Variants in NLGN1 observed in about 807,000 individuals in gnomAD.
The protein encoded by NLGN1 is neuroligin-1.
Under a neutral mutation model 65.5 loss-of-function variants are expected in NLGN1, and 12 were observed. The observed-to-expected ratio is 0.18, with a 90% CI of 0.12 to 0.30. The LOEUF is 0.30. Ranked by LOEUF, NLGN1 falls within the 10% of genes least tolerant of loss-of-function variation. NLGN1 has a pLI of 1.00. For synonymous variants in NLGN1, 350 were observed against 359.5 expected (o/e 0.97, Z 0.30); for missense variants, 750 against 1,007.1 (o/e 0.74, Z 3.46).
At chr3:173,566,641 C>A (rs966440656) in intron 2 of NLGN1, among the ~76,000 whole-genome samples, 3 of 152,114 alleles carry the variant, frequency 2.0e-5, no homozygotes, top group African/African-American at 7.2e-5. Context: ...CTACCCTCAC[C>A]CTGCAAACAA....
intron 3 of NLGN1, among the ~76,000 whole-genome samples, chr3:173,713,728 A>G (rs1471468620): frequency 6.6e-6 from 1 of 152,162 alleles, no homozygotes; most frequent in African/African-American, 2.4e-5. Flanking sequence ...AGGCTAAGAT[A>G]TGCAAAATGT....
intron 4 of NLGN1, among the ~76,000 whole-genome samples, chr3:174,107,083 C>T (rs551486117): frequency 3.3e-5 from 5 of 150,702 alleles, no homozygotes; most frequent in African/African-American, 9.7e-5. Flanking sequence ...CTGTGCATCC[C>T]CTACTTCAGT....
At chr3:173,571,426 T>C (rs1438283863) in intron 2 of NLGN1, among the ~76,000 whole-genome samples, 1 of 152,230 alleles carries the variant, frequency 6.6e-6, no homozygotes, top group Non-Finnish European at 1.5e-5. Flanking sequence ...CTTGGCATGA[T>C]GAATCTGGTT....
intron 3 of NLGN1, among the ~76,000 whole-genome samples, chr3:173,722,899 A>C (rs1196134978): frequency 6.6e-6 from 1 of 152,228 alleles, no homozygotes; most frequent in Admixed American, 6.5e-5. Flanking sequence ...TAAATGAAAG[A>C]AAAATAAAAA....
chr3:173,947,858 A>G (rs987859344), intron 4 of NLGN1, among the ~76,000 whole-genome samples: 6 of 152,342 alleles, frequency 3.9e-5, no homozygotes, highest in South Asian at 2.1e-4. Flanking sequence ...TTAAGCAAAT[A>G]TCTAGTCAAT....
At chr3:173,978,361 G>A (rs2152387800) in intron 4 of NLGN1, among the ~76,000 whole-genome samples, 1 of 152,154 alleles carries the variant, frequency 6.6e-6, no homozygotes, top group Middle Eastern at 3.4e-3. Flanking sequence ...AGTTTTGGAG[G>A]GAAATTTTTA....
At chr3:174,113,323 G>A (rs1249963036) in intron 4 of NLGN1, among the ~76,000 whole-genome samples, 2 of 151,924 alleles carry the variant, frequency 1.3e-5, no homozygotes, top group Non-Finnish European at 2.9e-5. Context: ...TAACCTAACA[G>A]TGATTTTGAG....
chr3:173,627,892 CTGTG>C (rs1394450958), intron 3 of NLGN1, among the ~76,000 whole-genome samples: 1 of 150,950 alleles, frequency 6.6e-6, no homozygotes, highest in African/African-American at 2.4e-5. Flanking sequence ...TCCTGAAAAT[CTGTG>C]TGTATTATCT....
At chr3:174,164,947 C>G (rs1178168807) in intron 4 of NLGN1, among the ~76,000 whole-genome samples, 1 of 151,926 alleles carries the variant, frequency 6.6e-6, no homozygotes, top group Non-Finnish European at 1.5e-5. Flanking sequence ...ATTGATTCTT[C>G]CAATCCATGA....
chr3:174,230,119 C>T (rs1164518278), intron 4 of NLGN1, among the ~76,000 whole-genome samples: 7 of 152,124 alleles, frequency 4.6e-5, no homozygotes, highest in Admixed American at 6.6e-5. Flanking sequence ...CAATAAGACT[C>T]TCACACTGAT....
At position 173,460,717 on chromosome 3, in the gene NLGN1, G is replaced by A. The variant is rs1228978261; in HGVS notation, c.-321+25639G>A. 2.0e-5 allele frequency among the ~76,000 whole-genome samples: 3 copies of A among 152,116 alleles called. No homozygotes were observed. The East Asian group carries it at 5.8e-4, about 29-fold the overall frequency. The stretch of plus-strand genomic sequence containing the variant: ...TTCTATTTTCTTGGCCCAGAAAGAA[G>A]TTGGGTCTACAAATGGTAAGGAAAT... On this transcript the variant is annotated intron_variant, in intron 2 of 6. Coordinates refer to ENST00000457714, the Ensembl canonical transcript of NLGN1.
At chr3:173,593,771 A>G (rs1432456978) in intron 2 of NLGN1, among the ~76,000 whole-genome samples, 3 of 152,196 alleles carry the variant, frequency 2.0e-5, no homozygotes, top group Non-Finnish European at 4.4e-5. Context: ...GGGAAGAAAA[A>G]GAGGTTTAAT....
intron 4 of NLGN1, among the ~76,000 whole-genome samples, chr3:174,159,260 A>G (rs916409109): frequency 2.0e-5 from 3 of 151,744 alleles, no homozygotes; most frequent in African/African-American, 7.2e-5. Context: ...TACTCTTAAT[A>G]TCTATACGTC....
chr3:173,651,607 C>T (rs986648927), intron 3 of NLGN1, among the ~76,000 whole-genome samples: 2 of 152,090 alleles, frequency 1.3e-5, no homozygotes, highest in Admixed American at 1.3e-4. Context: ...TTTTTCTCTG[C>T]ATCCTCACCA....
intron 3 of NLGN1, among the ~76,000 whole-genome samples, chr3:173,617,568 A>G (rs1423752185): frequency 1.3e-5 from 2 of 152,192 alleles, no homozygotes; most frequent in Non-Finnish European, 2.9e-5. Context: ...CCCCAAATGA[A>G]GTAAATTTCA....
intron 1 of NLGN1, among the ~76,000 whole-genome samples, chr3:173,410,224 C>T (rs748938766): frequency 1.2e-4 from 18 of 152,084 alleles, no homozygotes; most frequent in Admixed American, 2.6e-4. Context: ...AGTATAGGGC[C>T]GTTATGGGAA....
At chr3:174,284,623 T>C (rs911267996) in exon 7 of NLGN1, 17 of 151,348 alleles carry the variant, frequency 1.1e-4, no homozygotes, top group African/African-American at 4.1e-4. Context: ...TTTTAGAGTA[T>C]GAGGATAGAA....
intron 4 of NLGN1, among the ~76,000 whole-genome samples, chr3:174,135,765 C>T (rs935552173): frequency 5.3e-5 from 8 of 152,028 alleles, no homozygotes; most frequent in Non-Finnish European, 8.8e-5. Flanking sequence ...CTGCTATGTA[C>T]GTGAGACAAA....
intron 2 of NLGN1, among the ~76,000 whole-genome samples, chr3:173,570,276 G>T (rs1271783730): frequency 9.2e-5 from 14 of 152,202 alleles, no homozygotes; most frequent in Admixed American, 9.2e-4. Context: ...AGAAAACCAT[G>T]TGCAAAGGTG....
Sources: gnomAD v4.1 joint callset for allele counts (sites outside exome capture counted in the v4.1 genomes callset) on GRCh38, gnomAD v4.1.1 for gene constraint, MANE v1.5 for transcripts, NCBI Gene and HGNC (gene_info 2026-07-23, HGNC 2026-07-21) for gene names.